The following ABLIM1 variants were observed in gnomAD, a reference collection of about 807,000 sequenced individuals.
ABLIM1 encodes actin binding LIM protein 1, also known as actin-binding LIM protein 1.
A neutral mutation model predicts 107.0 loss-of-function variants in ABLIM1; 40 were observed. That is an observed-to-expected ratio of 0.37 (90% CI 0.29 to 0.49). ABLIM1 has a LOEUF of 0.49. ABLIM1 is among the 20% of genes least tolerant of loss of function. ABLIM1 has a pLI of 0.97. For synonymous variants in ABLIM1, 357 were observed against 357.3 expected (o/e 1.00, Z 0.01); for missense variants, 857 against 1,008.5 (o/e 0.85, Z 2.04).
intron 2 of ABLIM1, among the ~76,000 whole-genome samples, chr10:114,587,595 C>T (rs963832761): frequency 9.9e-5 from 15 of 152,110 alleles, no homozygotes; most frequent in African/African-American, 2.9e-4. Context: ...AGGAGCATCA[C>T]GGTTCCATTT....
At chr10:114,578,918 CT>C (rs1490369831) in intron 2 of ABLIM1, among the ~76,000 whole-genome samples, 9 of 151,508 alleles carry the variant, frequency 5.9e-5, no homozygotes, top group African/African-American at 1.9e-4. Flanking sequence ...TCCCGAGTAG[CT>C]GGGATTACAG....
chr10:114,790,814 C>T, the ABLIM1 span, among the ~76,000 whole-genome samples: 3 of 152,260 alleles, frequency 2.0e-5, no homozygotes, highest in South Asian at 2.1e-4. Context: ...CTTATAAGAA[C>T]GTGGACTTTG....
At chr10:114,600,313 A>G (rs2075853541) in intron 2 of ABLIM1, among the ~76,000 whole-genome samples, 1 of 152,170 alleles carries the variant, frequency 6.6e-6, no homozygotes, top group African/African-American at 2.4e-5. Context: ...AGGAGGATTA[A>G]ATAATCCCTC....
At position 114,447,964 on chromosome 10, in the gene ABLIM1, G is replaced by A. The variant is rs776328273; in HGVS notation, c.1651C>T (p.Pro551Ser). The change falls in exon 15 of 23, where the codon CCA becomes TCA. Residue 551 changes from proline to serine, a missense_variant. Transcript: ENST00000533213. ...SEDIIKFSKF[P>S]AAQAPDPSET... Reference sequence around the variant, plus strand: ...CTGGGGTCTGGTGCCTGGGCTGCTGGGAACTTGGAAAACTTGATGATATCT... The same window carrying A: ...CTGGGGTCTGGTGCCTGGGCTGCTGAGAACTTGGAAAACTTGATGATATCT... 16 of 1,614,010 alleles carry A rather than the reference G, an allele frequency of 9.9e-6. No homozygotes were observed. The South Asian group carries it at 1.6e-4, about 17-fold the overall frequency.
intron 2 of ABLIM1, among the ~76,000 whole-genome samples, chr10:114,588,486 T>C (rs1341122088): frequency 7.9e-6 from 1 of 126,750 alleles, no homozygotes; most frequent in African/African-American, 2.9e-5. Context: ...TTTCTTTCTT[T>C]CTTTTTTTTT....
intron 12 of ABLIM1, among the ~76,000 whole-genome samples, chr10:114,459,643 T>A (rs2063478117): frequency 6.6e-6 from 1 of 152,174 alleles, no homozygotes; most frequent in Non-Finnish European, 1.5e-5. Context: ...ATCTTTAAGG[T>A]TGGCAAAAAG....
At chr10:114,466,984 C>T (rs142101186) in intron 11 of ABLIM1, among the ~76,000 whole-genome samples, 66 of 152,132 alleles carry the variant, frequency 4.3e-4, no homozygotes, top group Admixed American at 8.5e-4. Context: ...CATGGTGAAA[C>T]CCTGTCTCTA....
At chr10:114,490,974 A>ATGTGTGTGTGTGTGTGTG (rs140256636) in intron 7 of ABLIM1, among the ~76,000 whole-genome samples, 4 of 99,266 alleles carry the variant, frequency 4.0e-5, no homozygotes, top group African/African-American at 3.9e-5. Context: ...CGGCATATAT[A>ATGTGTGTGTGTGTGTGTG]TGTGTGTGTG....
intron 1 of ABLIM1, among the ~76,000 whole-genome samples, chr10:114,729,125 T>C (rs929154014): frequency 6.6e-6 from 1 of 152,116 alleles, no homozygotes; most frequent in Admixed American, 6.5e-5. Context: ...TTCATCCTCA[T>C]GCTCTCATGA....
intron 1 of ABLIM1, among the ~76,000 whole-genome samples, chr10:114,744,854 G>A (rs186004644): frequency 1.2e-4 from 18 of 152,012 alleles, no homozygotes; most frequent in Non-Finnish European, 2.2e-4. Context: ...CCTTGACCCT[G>A]CCCTGACATA....
chr10:114,795,250 T>C, the ABLIM1 span, among the ~76,000 whole-genome samples: 15 of 152,170 alleles, frequency 9.9e-5, no homozygotes. Context: ...TGCCCTTCTC[T>C]GAATATTACA....
intron 1 of ABLIM1, among the ~76,000 whole-genome samples, chr10:114,749,008 C>T (rs987135060): frequency 2.6e-5 from 4 of 152,104 alleles, no homozygotes; most frequent in Non-Finnish European, 4.4e-5. Context: ...CATACCTGCA[C>T]GTAATCTCTG....
intron 1 of ABLIM1, among the ~76,000 whole-genome samples, chr10:114,692,011 T>C (rs2081090165): frequency 6.6e-6 from 1 of 152,222 alleles, no homozygotes; most frequent in Non-Finnish European, 1.5e-5. Flanking sequence ...TCAGTGTGTA[T>C]TACTTCTAAG....
At chr10:114,680,527 C>T (rs2080701801) in intron 1 of ABLIM1, among the ~76,000 whole-genome samples, 1 of 152,198 alleles carries the variant, frequency 6.6e-6, no homozygotes, top group Admixed American at 6.5e-5. Flanking sequence ...ATCCCCAATC[C>T]TCTGTGGCTC....
chr10:114,719,141 C>CA lies in ABLIM1; in HGVS notation c.-213+48919dup, dbSNP rs574765995. On this transcript the variant is annotated intron_variant, in intron 1 of 15. Coordinates refer to the ABLIM1 transcript ENST00000651092. The stretch of plus-strand genomic sequence containing the variant: ...CCAATGGATTAAAAACAAAACCAAA[C>CA]AAAAAAAACACCATTGATCTCTCTG... 4.8e-4 allele frequency among the ~76,000 whole-genome samples: 73 copies of CA among 151,608 alleles called. No homozygotes were observed. In the East Asian group the frequency reaches 6.4e-3, roughly 13 times the overall value.
In ABLIM1 at chr10:114,673,976, T is replaced by C. The variant is rs537192910; in HGVS notation, c.64+10314A>G. 7.4e-4 allele frequency among the ~76,000 whole-genome samples: 112 copies of C among 152,224 alleles called. 1 individual carries two copies. The highest frequency in any genetic ancestry group is 2.7e-3 in the African/African-American group (111 of 41,536). On this transcript the variant is annotated intron_variant, in intron 1 of 23. Coordinates refer to the ABLIM1 transcript ENST00000369256. ...AAGTGGGGAGAACCAGGTTATCTAG[T>C]TAGCAAAATAGAGTTTAAGAGGGAC...
In ABLIM1 at chr10:114,704,335, T is replaced by TCTATATATCTCACG. The variant is rs3061769; in HGVS notation, c.-213+63725_-213+63726insCGTGAGATATATAG. Among the ~76,000 whole-genome samples, 33 of 83,436 alleles carry TCTATATATCTCACG rather than the reference T, an allele frequency of 4.0e-4. 1 individual carries two copies. Among genetic ancestry groups the TCTATATATCTCACG allele is most frequent in the African/African-American group, 1.3e-3 (32 of 24,926 alleles). 54.7% of individuals were successfully genotyped at this position (83,436 alleles called of 152,430 possible). A position where few individuals can be genotyped will look rare whatever the true frequency, so the allele number is the denominator to read the frequency against. Reference sequence around the variant, plus strand: ...ATATATATATATATATATATATATATTGCGCGCGTTACATCTGTGAGGTAT... The same window carrying TCTATATATCTCACG: ...ATATATATATATATATATATATATATCTATATATCTCACGTGCGCGCGTTACATCTGTGAGGTAT... On this transcript the variant is annotated intron_variant, in intron 1 of 15. Coordinates refer to the ABLIM1 transcript ENST00000651092.
chr10:114,644,445 G>A (rs2078924271), intron 1 of ABLIM1, among the ~76,000 whole-genome samples: 1 of 149,708 alleles, frequency 6.7e-6, no homozygotes, highest in African/African-American at 2.5e-5. Context: ...TCATGAAAAT[G>A]CCATGGAATT....
chr10:114,528,228 C>T (rs142494162), intron 6 of ABLIM1, among the ~76,000 whole-genome samples: 4,762 of 152,246 alleles, frequency 0.031, 219 homozygotes, highest in African/African-American at 0.099. Flanking sequence ...CCTCAGCCTC[C>T]CAAAGTGCTG....
Sources: gnomAD v4.1 joint callset for allele counts (sites outside exome capture counted in the v4.1 genomes callset) on GRCh38, gnomAD v4.1.1 for gene constraint, MANE v1.5 for transcripts, NCBI Gene and HGNC (gene_info 2026-07-23, HGNC 2026-07-21) for gene names.